Variants in VAV3 observed in about 807,000 individuals in gnomAD.
The protein encoded by VAV3 is vav guanine nucleotide exchange factor 3, also known as guanine nucleotide exchange factor VAV3.
VAV3 carries 94 observed loss-of-function variants against 131.2 expected under a neutral mutation model. That is an observed-to-expected ratio of 0.72 (90% CI 0.61 to 0.85). The LOEUF (loss-of-function observed/expected upper bound fraction) is 0.85. Among genes scored for constraint, VAV3 ranks in the 40% least tolerant of loss-of-function variants. The probability of loss-of-function intolerance (pLI) is 0.00; values close to 1 mark genes in which losing one functional copy is unlikely to be tolerated. For missense variants in VAV3, 939 were observed against 1,002.7 expected, an observed-to-expected ratio of 0.94 and a Z score of 0.86; for synonymous variants, 349 against 342.0, an observed-to-expected ratio of 1.02 and a Z score of -0.22.
chr1:107,689,871 T>G (rs1659308880), intron 17 of VAV3, among the ~76,000 whole-genome samples: 1 of 152,212 alleles, frequency 6.6e-6, no homozygotes, highest in Non-Finnish European at 1.5e-5. Context: ...TTAGGGGAAT[T>G]TGGGTTCTTG....
chr1:107,717,267 T>C (rs1557787706), intron 15 of VAV3, among the ~76,000 whole-genome samples: 1 of 152,214 alleles, frequency 6.6e-6, no homozygotes, highest in African/African-American at 2.4e-5. Flanking sequence ...AGTTATTTCT[T>C]GCCTTATGCT....
intron 20 of VAV3, among the ~76,000 whole-genome samples, chr1:107,628,329 G>C (rs1017654564): frequency 7.9e-5 from 12 of 152,134 alleles, no homozygotes; most frequent in African/African-American, 2.9e-4. Flanking sequence ...CAGTCCTGTG[G>C]GAAGTAAAAA....
chr1:107,695,957 C>T (rs1222114919), intron 17 of VAV3, among the ~76,000 whole-genome samples: 2 of 152,140 alleles, frequency 1.3e-5, no homozygotes, highest in Non-Finnish European at 1.5e-5. Context: ...ATTTGACTAT[C>T]CCTTTCTATA....
intron 19 of VAV3, among the ~76,000 whole-genome samples, chr1:107,678,582 T>G (rs925820099): frequency 6.6e-6 from 1 of 152,140 alleles, no homozygotes; most frequent in African/African-American, 2.4e-5. Flanking sequence ...ATTGAACATA[T>G]TGACATTACA....
At chr1:107,742,832 G>A (rs574402128) in intron 15 of VAV3, among the ~76,000 whole-genome samples, 1 of 152,304 alleles carries the variant, frequency 6.6e-6, no homozygotes, top group East Asian at 1.9e-4. Context: ...CAGGATGCTT[G>A]GATAATTTTT....
chr1:107,599,611 G>GA (rs1420263036), intron 24 of VAV3, among the ~76,000 whole-genome samples: 1 of 152,004 alleles, frequency 6.6e-6, no homozygotes, highest in African/African-American at 2.4e-5. Context: ...TTTAGGATTT[G>GA]AATTTAATGA....
In VAV3 at chr1:107,818,365, G is replaced by GT. The variant is rs575714949; in HGVS notation, c.322-38874dup. Among the ~76,000 whole-genome samples, 713 of 146,098 alleles carry GT rather than the reference G, an allele frequency of 4.9e-3. 1 individual carries two copies. Among genetic ancestry groups the GT allele is most frequent in the African/African-American group, 0.012 (478 of 40,128 alleles). On this transcript the variant is annotated intron_variant, in intron 2 of 26. Transcript: ENST00000370056. ...GTTTAGTGGAAATGCACCCAGTGCA[G>GT]TTTTTTTTTTTTAAACCATAAAATG...
intron 15 of VAV3, among the ~76,000 whole-genome samples, chr1:107,728,213 C>A (rs1183784779): frequency 6.6e-6 from 1 of 152,046 alleles, no homozygotes; most frequent in African/African-American, 2.4e-5. Flanking sequence ...ATTTTCATGA[C>A]AAAGATATAG....
chr1:107,795,533 C>G (rs529142194), intron 2 of VAV3, among the ~76,000 whole-genome samples: 1 of 151,966 alleles, frequency 6.6e-6, no homozygotes, highest in African/African-American at 2.4e-5. Context: ...CCCCTCCCCC[C>G]AGGAAAAAAA....
intron 8 of VAV3, among the ~76,000 whole-genome samples, chr1:107,765,679 G>A (rs1223584840): frequency 6.6e-6 from 1 of 152,136 alleles, no homozygotes; most frequent in African/African-American, 2.4e-5. Flanking sequence ...GACCTGAACT[G>A]TTCTGGACAG....
intron 20 of VAV3, among the ~76,000 whole-genome samples, chr1:107,627,558 T>C (rs6685629): frequency 0.38 from 58,147 of 152,002 alleles, 11,621 homozygotes; most frequent in East Asian, 0.48. Flanking sequence ...TTTCCATTTC[T>C]GGAAAATAAA....
At chr1:107,851,103 C>CG (rs1669201980) in intron 2 of VAV3, among the ~76,000 whole-genome samples, 1 of 148,296 alleles carries the variant, frequency 6.7e-6, no homozygotes, top group South Asian at 2.2e-4. Flanking sequence ...GCCGGCCCTC[C>CG]GGAGCTTGCA....
At chr1:107,725,799 C>T (rs957329551) in intron 15 of VAV3, among the ~76,000 whole-genome samples, 1 of 152,152 alleles carries the variant, frequency 6.6e-6, no homozygotes, top group African/African-American at 2.4e-5. Flanking sequence ...AGGTGTGAGC[C>T]ACCGTGCCCA....
chr1:107,852,835 GT>G (rs1669288698), intron 2 of VAV3, among the ~76,000 whole-genome samples: 1 of 152,068 alleles, frequency 6.6e-6, no homozygotes. Flanking sequence ...ACCAAAAATG[GT>G]TTATCAGCAA....
intron 1 of VAV3, among the ~76,000 whole-genome samples, chr1:107,937,133 T>C (rs1201155393): frequency 1.3e-5 from 2 of 152,172 alleles, no homozygotes; most frequent in African/African-American, 4.8e-5. Context: ...CATAATCCTG[T>C]TTTAACAAAT....
At chr1:107,595,760 T>C (rs1000499064) in intron 25 of VAV3, among the ~76,000 whole-genome samples, 4 of 152,136 alleles carry the variant, frequency 2.6e-5, no homozygotes, top group Non-Finnish European at 4.4e-5. Flanking sequence ...AAAAAACACA[T>C]TAGTAATGTC....
At chr1:107,818,088 C>T (rs1667637715) in intron 2 of VAV3, among the ~76,000 whole-genome samples, 1 of 152,166 alleles carries the variant, frequency 6.6e-6, no homozygotes, top group Admixed American at 6.5e-5. Context: ...ATCAGATTCC[C>T]ACCTCAGCCA....
At chr1:107,842,720 C>T (rs561668247) in intron 2 of VAV3, among the ~76,000 whole-genome samples, 8 of 152,050 alleles carry the variant, frequency 5.3e-5, no homozygotes, top group Non-Finnish European at 1.2e-4. Flanking sequence ...GTCATTTTTA[C>T]GCATTTTAAT....
chr1:107,833,545 A>T (rs184848770), intron 2 of VAV3, among the ~76,000 whole-genome samples: 8 of 152,176 alleles, frequency 5.3e-5, no homozygotes, highest in South Asian at 2.1e-4. Context: ...AGACTAACAA[A>T]ATTTTAGAAA....
Sources: gnomAD v4.1 joint callset for allele counts (sites outside exome capture counted in the v4.1 genomes callset) on GRCh38, gnomAD v4.1.1 for gene constraint, MANE v1.5 for transcripts, NCBI Gene and HGNC (gene_info 2026-07-23, HGNC 2026-07-21) for gene names.